BRINP1: variants seen among roughly 807,000 people sequenced by gnomAD.
BRINP1 encodes BMP/retinoic acid-inducible neural-specific protein 1.
In BRINP1, 17 loss-of-function variants were observed where a neutral mutation model predicts 72.9. That is an observed-to-expected ratio of 0.23 (90% CI 0.16 to 0.35). BRINP1 has a LOEUF of 0.35. BRINP1 is among the 10% of genes least tolerant of loss of function. The pLI is 1.00. For synonymous variants in BRINP1, 418 were observed against 378.5 expected, an observed-to-expected ratio of 1.10 and a Z score of -1.21; for missense variants, 850 against 1,001.6, an observed-to-expected ratio of 0.85 and a Z score of 2.04.
At chr9:119,263,765 G>A (rs1442088167) in intron 2 of BRINP1, among the ~76,000 whole-genome samples, 2 of 151,700 alleles carry the variant, frequency 1.3e-5, no homozygotes, top group Non-Finnish European at 2.9e-5. Flanking sequence ...CCACTACCAC[G>A]TCTGGCTAAT....
At chr9:119,348,703 A>G (rs1831472938) in intron 1 of BRINP1, among the ~76,000 whole-genome samples, 1 of 152,192 alleles carries the variant, frequency 6.6e-6, no homozygotes, top group African/African-American at 2.4e-5. Flanking sequence ...AGAGGAAACA[A>G]CAGCCTATTT....
chr9:119,209,134 T>C lies in BRINP1; in HGVS notation c.923-193A>G, dbSNP rs140202853. On this transcript the variant is annotated intron_variant, in intron 6 of 7. Coordinates refer to ENST00000265922, the MANE Select transcript of BRINP1 (RefSeq NM_014618.3). ...GGGCAAAAGCTACTATGCTTTCTTA[T>C]GAAGGGAATCTGCATACCGCATTCT... is the stretch of plus-strand genomic sequence containing the variant. 1.4e-3 allele frequency among the ~76,000 whole-genome samples: 217 copies of C among 152,348 alleles called. 1 individual carries two copies. The highest frequency in any genetic ancestry group is 5.0e-3 in the African/African-American group (206 of 41,588).
intron 7 of BRINP1, among the ~76,000 whole-genome samples, chr9:119,198,733 G>A (rs888526460): frequency 5.3e-5 from 8 of 151,132 alleles, no homozygotes; most frequent in East Asian, 3.9e-4. Flanking sequence ...GTGTAGTAGC[G>A]TGATCTTGGC....
At chr9:119,346,901 A>G (rs1206731736) in intron 1 of BRINP1, among the ~76,000 whole-genome samples, 2 of 152,150 alleles carry the variant, frequency 1.3e-5, no homozygotes, top group Non-Finnish European at 2.9e-5. Context: ...GGCAGCTTCC[A>G]TGACATTAAT....
intron 5 of BRINP1, among the ~76,000 whole-genome samples, chr9:119,236,518 T>A (rs770005749): frequency 6.6e-6 from 1 of 152,212 alleles, no homozygotes; most frequent in Non-Finnish European, 1.5e-5. Flanking sequence ...CCCTAAGATC[T>A]CAGTAATTTC....
intron 7 of BRINP1, among the ~76,000 whole-genome samples, chr9:119,168,919 T>C (rs1829362408): frequency 6.6e-6 from 1 of 152,154 alleles, no homozygotes; most frequent in Admixed American, 6.5e-5. Flanking sequence ...TGGAAGACAG[T>C]GTGGCGATTC....
At chr9:119,241,918 G>T in intron 4 of BRINP1, 129 bp downstream of exon 4, 1 of 933,562 alleles carries the variant, frequency 1.1e-6, no homozygotes, top group Non-Finnish European at 1.6e-6. Flanking sequence ...CAAAGCAGCT[G>T]GCAGAGGGCA....
intron 1 of BRINP1, among the ~76,000 whole-genome samples, chr9:119,364,503 T>C (rs1831670627): frequency 6.6e-6 from 1 of 152,210 alleles, no homozygotes; most frequent in Non-Finnish European, 1.5e-5. Flanking sequence ...CTTCATACCA[T>C]CAATTTCAAA....
At chr9:119,332,524 T>C (rs73534451) in intron 1 of BRINP1, among the ~76,000 whole-genome samples, 3,946 of 152,202 alleles carry the variant, frequency 0.026, 192 homozygotes, top group African/African-American at 0.09. Context: ...TCTTCATAAC[T>C]CCCTTTGGTC....
At chr9:119,356,280 A>G (rs1473262830) in intron 1 of BRINP1, among the ~76,000 whole-genome samples, 1 of 152,214 alleles carries the variant, frequency 6.6e-6, no homozygotes, top group Non-Finnish European at 1.5e-5. Flanking sequence ...CTACCCACCT[A>G]TATAAAATAC....
chr9:119,343,879 C>T (rs1033297964), intron 1 of BRINP1, among the ~76,000 whole-genome samples: 1 of 152,176 alleles, frequency 6.6e-6, no homozygotes, highest in African/African-American at 2.4e-5. Flanking sequence ...ATATGTTGTT[C>T]TCAAGGCCTG....
Position 119,166,879 on chromosome 9 carries a change from T to C in BRINP1, c.*205A>G, listed in dbSNP as rs762833260. On this transcript the variant is annotated 3_prime_UTR_variant, in exon 8 of 8. Coordinates refer to ENST00000265922, the MANE Select transcript of BRINP1 (RefSeq NM_014618.3). ...GCTGAGACCCTTCTTCATGACAGAG[T>C]GAGTATAGAAATAACAAACATGCCC... 6 of 559,302 alleles carry C rather than the reference T, an allele frequency of 1.1e-5. No homozygotes were observed. The highest frequency in any genetic ancestry group is 1.8e-5 in the Non-Finnish European group (6 of 325,262). 34.6% of individuals were successfully genotyped at this position (559,302 alleles called of 1,614,324 possible). A position where few individuals can be genotyped will look rare whatever the true frequency, so the allele number is the denominator to read the frequency against.
At chr9:119,318,841 T>TGTG (rs1554754941) in intron 1 of BRINP1, among the ~76,000 whole-genome samples, 12 of 114,720 alleles carry the variant, frequency 1.0e-4, no homozygotes, top group Admixed American at 4.8e-4. Context: ...GAGAAATGTG[T>TGTG]GGGGTGTGTG....
chr9:119,367,220 T>TTATATATATATATATATATATATA (rs1564259751), intron 1 of BRINP1, among the ~76,000 whole-genome samples: 18 of 44,786 alleles, frequency 4.0e-4, no homozygotes, highest in East Asian at 3.5e-3. Context: ...TGTGTGTGAT[T>TTATATATATATATATATATATATA]GATATATATA....
At chr9:119,300,067 C>A (rs551179611) in intron 2 of BRINP1, among the ~76,000 whole-genome samples, 1 of 152,264 alleles carries the variant, frequency 6.6e-6, no homozygotes, top group East Asian at 1.9e-4. Flanking sequence ...CCCCACTTCA[C>A]AAAGAGAACA....
chr9:119,169,525 C>A (rs1353551975), intron 7 of BRINP1, among the ~76,000 whole-genome samples: 1 of 152,216 alleles, frequency 6.6e-6, no homozygotes, highest in Non-Finnish European at 1.5e-5. Context: ...AGTCTGAGAT[C>A]AAACTGCAAG....
rs138900910 is a variant in BRINP1, at chr9:119,353,822, C to CTT, written c.-51+15232_-51+15233dup. 3.0e-3 allele frequency among the ~76,000 whole-genome samples: 94 copies of CTT among 30,956 alleles called. 3 individuals carry two copies. Among genetic ancestry groups the CTT allele is most frequent in the African/African-American group, 4.7e-3 (41 of 8,644 alleles). 20.3% of individuals were successfully genotyped at this position (30,956 alleles called of 152,430 possible). Reference sequence around the variant, plus strand: ...ATTAAACTTAATTTTGTTTTGAGCACTTTTTTTTTTTTTTTTTTTTTTTTT... The same window carrying CTT: ...ATTAAACTTAATTTTGTTTTGAGCACTTTTTTTTTTTTTTTTTTTTTTTTTTT... On this transcript the variant is annotated intron_variant, in intron 1 of 7. Coordinates refer to ENST00000265922, the MANE Select transcript of BRINP1 (RefSeq NM_014618.3).
At chr9:119,170,777 G>A (rs9775698) in intron 7 of BRINP1, among the ~76,000 whole-genome samples, 60,806 of 122,748 alleles carry the variant, frequency 0.5, 15,602 homozygotes, top group African/African-American at 0.67. Context: ...ACTAACAGCA[G>A]ATCTCTCGGC....
At chr9:119,184,590 T>G (rs1588157269) in intron 7 of BRINP1, among the ~76,000 whole-genome samples, 1 of 152,142 alleles carries the variant, frequency 6.6e-6, no homozygotes, top group East Asian at 1.9e-4. Flanking sequence ...CACACATGCA[T>G]GCACACAAAA....
Sources: allele counts gnomAD v4.1 joint callset (sites outside exome capture counted in the v4.1 genomes callset), GRCh38; gene constraint gnomAD v4.1.1; transcripts MANE v1.5; gene names NCBI Gene and HGNC (gene_info 2026-07-23, HGNC 2026-07-21).